SSPN: variants seen among roughly 807,000 people sequenced by gnomAD.
The protein encoded by SSPN is sarcospan.
A neutral mutation model predicts 19.1 loss-of-function variants in SSPN; 15 were observed. The ratio of observed to expected loss-of-function variants is 0.78; its 90% CI spans 0.52 to 1.21. The LOEUF (loss-of-function observed/expected upper bound fraction) is 1.21. Among genes scored for constraint, SSPN ranks in the 50% most tolerant of loss-of-function variants. SSPN has a pLI of 0.00. For missense variants in SSPN, 291 were observed against 314.0 expected (o/e 0.93, Z 0.55); for synonymous variants, 147 against 140.3 (o/e 1.05, Z -0.34).
intron 1 of SSPN, among the ~76,000 whole-genome samples, chr12:26,211,924 C>T (rs1317224829): frequency 6.6e-6 from 1 of 152,164 alleles, no homozygotes; most frequent in Non-Finnish European, 1.5e-5. Flanking sequence ...TGTATCTAGC[C>T]ATACAAAGCG....
At position 26,169,442 on chromosome 12, in the gene SSPN, G is replaced by A. The variant is rs527948223; in HGVS notation, c.-31+47290G>A. Among the ~76,000 whole-genome samples the A allele has an allele frequency of 1.2e-4, 18 of 152,210 alleles. No homozygotes were observed. The East Asian group carries it at 3.1e-3, about 26-fold the overall frequency. On this transcript the variant is annotated intron_variant, in intron 1 of 2. Coordinates refer to the SSPN transcript ENST00000538142. ...ATAGAAGGAATACAAAGGGATAGGA[G>A]GCTTAGTATTTAGCCTCTGATATCA...
At chr12:26,122,640 C>A in intron 1 of SSPN, 1 of 1,295,492 alleles carries the variant, frequency 7.7e-7, no homozygotes, top group Non-Finnish European at 9.9e-7. Flanking sequence ...GCCCCCCGGG[C>A]CGCCGCCGCT....
At chr12:26,141,362 A>T (rs1944459622) in intron 1 of SSPN, among the ~76,000 whole-genome samples, 1 of 152,218 alleles carries the variant, frequency 6.6e-6, no homozygotes, top group Non-Finnish European at 1.5e-5. Flanking sequence ...CAAAGCCTCC[A>T]AAAAGGAGTG....
intron 1 of SSPN, among the ~76,000 whole-genome samples, chr12:26,183,191 A>G (rs1331813724): frequency 6.6e-6 from 1 of 152,260 alleles, no homozygotes; most frequent in African/African-American, 2.4e-5. Context: ...ATTTGGACAC[A>G]CAATTCAGAA....
intron 1 of SSPN, among the ~76,000 whole-genome samples, chr12:26,128,121 C>T (rs1169685275): frequency 6.6e-6 from 1 of 152,146 alleles, no homozygotes; most frequent in East Asian, 1.9e-4. Context: ...GAGTCTGGAC[C>T]CTGGACGACT....
At chr12:26,169,326 A>AT (rs1266276495) in intron 1 of SSPN, among the ~76,000 whole-genome samples, 4 of 152,232 alleles carry the variant, frequency 2.6e-5, no homozygotes, top group African/African-American at 7.2e-5. Context: ...AATGGGGGAT[A>AT]TTTTTGAAAT....
Position 26,231,114 on chromosome 12 carries a change from G to A in SSPN, c.*38G>A. 1 of 1,564,898 alleles carries A rather than the reference G, an allele frequency of 6.4e-7. No individual in the cohort carries two copies. The highest frequency in any genetic ancestry group is 1.9e-5 in the Admixed American group (1 of 52,560). On this transcript the variant is annotated 3_prime_UTR_variant, in exon 3 of 3. Transcript: ENST00000242729. ...AAGTTGCGAGAGAAAGTAGCACATG[G>A]AGTAGCTGAGGTTAAACAAACAAAA...
upstream of SSPN, among the ~76,000 whole-genome samples, chr12:26,193,936 C>CT (rs1944804472): frequency 6.6e-6 from 1 of 152,174 alleles, no homozygotes. Flanking sequence ...TTTGTGGGGA[C>CT]TTGGCAGTTT....
intron 1 of SSPN, among the ~76,000 whole-genome samples, chr12:26,214,471 T>G (rs1321621703): frequency 6.6e-6 from 1 of 152,234 alleles, no homozygotes; most frequent in Non-Finnish European, 1.5e-5. Flanking sequence ...ATGACATTAT[T>G]GTCTCCATTT....
chr12:26,128,213 T>A (rs775136494), intron 1 of SSPN, among the ~76,000 whole-genome samples: 3 of 152,204 alleles, frequency 2.0e-5, no homozygotes, highest in Admixed American at 6.5e-5. Flanking sequence ...TTTACCAGTA[T>A]AAGTGTGCAC....
At chr12:26,201,046 T>TATA (rs59727119) in intron 1 of SSPN, among the ~76,000 whole-genome samples, 2 of 77,210 alleles carry the variant, frequency 2.6e-5, no homozygotes, top group Admixed American at 1.7e-4. Flanking sequence ...TATATATATA[T>TATA]TATATATATA....
At chr12:26,193,520 T>C (rs894230658), upstream of SSPN, among the ~76,000 whole-genome samples, 1 of 152,234 alleles carries the variant, frequency 6.6e-6, no homozygotes, top group Non-Finnish European at 1.5e-5. Flanking sequence ...TTCCAGGTAG[T>C]CAATTGACTT....
chr12:26,147,049 G>C (rs1342739791), intron 1 of SSPN, among the ~76,000 whole-genome samples: 1 of 152,060 alleles, frequency 6.6e-6, no homozygotes, highest in African/African-American at 2.4e-5. Context: ...AAGATTTCAG[G>C]TTGGTAGGGT....
At chr12:26,199,921 T>C (rs1944863199) in intron 1 of SSPN, among the ~76,000 whole-genome samples, 1 of 152,192 alleles carries the variant, frequency 6.6e-6, no homozygotes, top group Admixed American at 6.5e-5. Flanking sequence ...ATTAGAAAAT[T>C]TAACGTACAC....
chr12:26,206,323 T>G (rs528160226), intron 1 of SSPN, among the ~76,000 whole-genome samples: 1 of 152,190 alleles, frequency 6.6e-6, no homozygotes. Context: ...ATACTGTTTT[T>G]CATAAAGTAC....
chr12:26,139,616 A>G (rs927104364), intron 1 of SSPN, among the ~76,000 whole-genome samples: 1 of 152,216 alleles, frequency 6.6e-6, no homozygotes, highest in African/African-American at 2.4e-5. Flanking sequence ...GGCATCACTG[A>G]CAGTGGAGTT....
At chr12:26,153,331 T>C (rs1944536710) in intron 1 of SSPN, among the ~76,000 whole-genome samples, 1 of 152,222 alleles carries the variant, frequency 6.6e-6, no homozygotes, top group Non-Finnish European at 1.5e-5. Context: ...AATATTATCA[T>C]CATCATTTTT....
intron 1 of SSPN, chr12:26,123,832 CA>C: frequency 1.1e-6 from 1 of 886,710 alleles, no homozygotes; most frequent in Non-Finnish European, 1.9e-6. Context: ...GCAATTTAAG[CA>C]AACACTTTGA....
chr12:26,128,142 A>G (rs1361146402), intron 1 of SSPN, among the ~76,000 whole-genome samples: 1 of 152,182 alleles, frequency 6.6e-6, no homozygotes, highest in East Asian at 1.9e-4. Context: ...CTTACACCTC[A>G]ATGTGAATAG....
Sources: gnomAD v4.1 joint callset for allele counts (sites outside exome capture counted in the v4.1 genomes callset) on GRCh38, gnomAD v4.1.1 for gene constraint, MANE v1.5 for transcripts, NCBI Gene and HGNC (gene_info 2026-07-23, HGNC 2026-07-21) for gene names.